PHYHIPL: variants seen among roughly 807,000 people sequenced by gnomAD.
The protein encoded by PHYHIPL is phytanoyl-CoA 2-hydroxylase interacting protein like.
Under a neutral mutation model 33.4 loss-of-function variants are expected in PHYHIPL, and 9 were observed. That is an observed-to-expected ratio of 0.27 (90% CI 0.16 to 0.47). The LOEUF is 0.47. Among genes scored for constraint, PHYHIPL ranks in the 20% least tolerant of loss-of-function variants. PHYHIPL has a pLI of 0.99. For synonymous variants in PHYHIPL, 153 were observed against 154.1 expected (o/e 0.99, Z 0.05); for missense variants, 365 against 460.7 (o/e 0.79, Z 1.90).
intron 1 of PHYHIPL, among the ~76,000 whole-genome samples, chr10:59,230,664 A>G: frequency 6.6e-6 from 1 of 152,166 alleles, no homozygotes; most frequent in East Asian, 1.9e-4. Flanking sequence ...ATTTTGCCAA[A>G]GTTAATGATG....
chr10:59,201,687 G>A (rs1210321509), intron 1 of PHYHIPL, among the ~76,000 whole-genome samples: 1 of 152,076 alleles, frequency 6.6e-6, no homozygotes, highest in African/African-American at 2.4e-5. Context: ...TGAGTAATCA[G>A]AGTGTAATGA....
intron 1 of PHYHIPL, among the ~76,000 whole-genome samples, chr10:59,209,477 C>T (rs1839384591): frequency 2.6e-5 from 4 of 152,228 alleles, no homozygotes; most frequent in African/African-American, 9.6e-5. Flanking sequence ...CAAAAACATG[C>T]CAAATTGTAA....
At chr10:59,224,146 G>A (rs1289063857) in intron 1 of PHYHIPL, among the ~76,000 whole-genome samples, 1 of 152,106 alleles carries the variant, frequency 6.6e-6, no homozygotes, top group Non-Finnish European at 1.5e-5. Context: ...TGAATATTGT[G>A]TTATACGGGT....
At chr10:59,220,207 C>T (rs1055340295) in intron 1 of PHYHIPL, among the ~76,000 whole-genome samples, 3 of 152,052 alleles carry the variant, frequency 2.0e-5, no homozygotes, top group Non-Finnish European at 4.4e-5. Flanking sequence ...TTGATCCATT[C>T]TGTTTTTTAT....
intron 1 of PHYHIPL, among the ~76,000 whole-genome samples, chr10:59,210,797 C>G (rs1839420189): frequency 6.6e-6 from 1 of 152,098 alleles, no homozygotes; most frequent in African/African-American, 2.4e-5. Context: ...AACTGGAAAC[C>G]ATCATTCTCA....
Position 59,238,618 on chromosome 10 carries a change from T to C in PHYHIPL, c.509T>C (p.Leu170Ser). 6.2e-7 allele frequency: 1 copy of C among 1,610,076 alleles called. No homozygotes were observed. Among genetic ancestry groups the C allele is most frequent in the Non-Finnish European group, 8.5e-7 (1 of 1,176,970 alleles). ...TCAAAAGTTCATCTAACACAATTGT[T>C]GGAGAAGGCTGAAGTGATTGCAGGA... ...DYSKVHLTQL[L>S]EKAEVIAGRM... is the part of the protein sequence containing the mutation. Residue 170 changes from leucine (L) to serine (S), a missense_variant, in exon 4 of 5, where the codon TTG becomes TCG. Transcript: ENST00000373880.
intron 4 of PHYHIPL, 128 bp from the exon 5 acceptor site, chr10:59,244,929 T>G (rs1840597771): frequency 2.1e-6 from 2 of 938,478 alleles, no homozygotes; most frequent in East Asian, 5.3e-5. Context: ...GTTGTCCCCT[T>G]ATTCTGATAG....
At chr10:59,233,923 GCTAGGTCA>G (rs1840150645) in intron 1 of PHYHIPL, among the ~76,000 whole-genome samples, 1 of 151,738 alleles carries the variant, frequency 6.6e-6, no homozygotes, top group Admixed American at 6.6e-5. Flanking sequence ...GACTGTCACT[GCTAGGTCA>G]TGGACTTTTA....
intron 1 of PHYHIPL, among the ~76,000 whole-genome samples, chr10:59,198,935 C>T (rs548212327): frequency 4.9e-4 from 75 of 152,144 alleles, no homozygotes; most frequent in Non-Finnish European, 8.4e-4. Flanking sequence ...TGTTTGAGTT[C>T]TTTGTAGATT....
intron 1 of PHYHIPL, among the ~76,000 whole-genome samples, chr10:59,200,634 A>G (rs960885885): frequency 9.2e-5 from 14 of 152,162 alleles, no homozygotes; most frequent in African/African-American, 3.4e-4. Context: ...AAGGAATGGT[A>G]CCAGCTCCTC....
chr10:59,244,505 A>C (rs1479854145), intron 4 of PHYHIPL, among the ~76,000 whole-genome samples: 1 of 142,630 alleles, frequency 7.0e-6, no homozygotes, highest in African/African-American at 2.6e-5. Flanking sequence ...CAGAGGTTGC[A>C]GTGAGCCAAG....
intron 1 of PHYHIPL, among the ~76,000 whole-genome samples, chr10:59,196,945 A>C (rs1312916686): frequency 1.3e-5 from 2 of 152,210 alleles, no homozygotes; most frequent in African/African-American, 4.8e-5. Flanking sequence ...TGTATATAGC[A>C]ATTTAGATGA....
At position 59,238,662 on chromosome 10, in the gene PHYHIPL, G is replaced by GT. The variant is rs1416176240; in HGVS notation, c.559dup (p.Tyr187LeufsTer3). ...TGCAGGACGCATGCTTAAGTTTTCTGTTTTTTATCGTAATCAGCACAAAGA... is the reference window on the plus strand; with the variant it reads ...TGCAGGACGCATGCTTAAGTTTTCTGTTTTTTTATCGTAATCAGCACAAAGA... On this transcript the variant is annotated frameshift_variant, in exon 4 of 5. Coordinates refer to ENST00000373880, the MANE Select transcript of PHYHIPL (RefSeq NM_032439.4). LOFTEE classifies it high-confidence loss of function. 3 of 1,605,246 alleles carry GT rather than the reference G, an allele frequency of 1.9e-6. No homozygotes were observed. Among genetic ancestry groups the GT allele is most frequent in the Non-Finnish European group, 2.6e-6 (3 of 1,172,612 alleles).
intron 1 of PHYHIPL, among the ~76,000 whole-genome samples, chr10:59,177,811 C>T (rs1838295785): frequency 6.6e-6 from 1 of 152,072 alleles, no homozygotes; most frequent in Non-Finnish European, 1.5e-5. Flanking sequence ...TAATGTGGTA[C>T]AAAACTTCAT....
chr10:59,241,413 C>G (rs768701314), intron 4 of PHYHIPL, among the ~76,000 whole-genome samples: 1 of 152,092 alleles, frequency 6.6e-6, no homozygotes, highest in Non-Finnish European at 1.5e-5. Context: ...ACATTACTTT[C>G]CCATACTCCA....
intron 1 of PHYHIPL, chr10:59,177,454 A>G (rs1838285108): frequency 6.6e-7 from 1 of 1,516,370 alleles, no homozygotes; most frequent in Non-Finnish European, 8.8e-7. Context: ...AAGTCTTTTT[A>G]GCCTCTTGGA....
At chr10:59,215,227 G>A (rs1384511601) in intron 1 of PHYHIPL, among the ~76,000 whole-genome samples, 1 of 151,980 alleles carries the variant, frequency 6.6e-6, no homozygotes, top group Non-Finnish European at 1.5e-5. Flanking sequence ...TTTTTTAAAT[G>A]ATAGTTATTA....
intron 1 of PHYHIPL, among the ~76,000 whole-genome samples, chr10:59,185,968 A>G (rs1033593717): frequency 3.3e-5 from 5 of 152,120 alleles, no homozygotes; most frequent in African/African-American, 1.2e-4. Context: ...TCTTTAGTTT[A>G]ATTAGATACT....
rs995454490 is a variant in PHYHIPL, at chr10:59,182,576, C to T, written c.106+5617C>T. The stretch of plus-strand genomic sequence containing the variant: ...CAGGCTGGTCTTGAACTCCCGACCT[C>T]GTGATCTGCCCGCCTCGGCCTTCCA... On this transcript the variant is annotated intron_variant, in intron 1 of 4. Transcript: ENST00000373880. Among the ~76,000 whole-genome samples the T allele has an allele frequency of 3.3e-5, 5 of 152,254 alleles. No individual in the cohort carries two copies. In the East Asian group the frequency reaches 9.7e-4, roughly 29 times the overall value.
Sources: gnomAD v4.1 joint callset for allele counts (sites outside exome capture counted in the v4.1 genomes callset) on GRCh38, gnomAD v4.1.1 for gene constraint, MANE v1.5 for transcripts, NCBI Gene and HGNC (gene_info 2026-07-23, HGNC 2026-07-21) for gene names.